The following HPSE2 variants were observed in gnomAD, a reference collection of about 807,000 sequenced individuals.
HPSE2 encodes heparanase 2 (inactive), also known as inactive heparanase-2.
In HPSE2, 38 loss-of-function variants were observed where a neutral mutation model predicts 60.5. The observed-to-expected ratio is 0.63, with a 90% CI of 0.48 to 0.82. The LOEUF is 0.82. Ranked by LOEUF, HPSE2 falls within the 40% of genes least tolerant of loss-of-function variation. The pLI is 0.00. For synonymous variants in HPSE2, 295 were observed against 293.2 expected (o/e 1.01, Z -0.06); for missense variants, 713 against 740.4 (o/e 0.96, Z 0.43).
At chr10:98,905,884 T>C (rs534127286) in intron 3 of HPSE2, among the ~76,000 whole-genome samples, 9 of 152,306 alleles carry the variant, frequency 5.9e-5, no homozygotes, top group African/African-American at 1.9e-4. Context: ...GGACAACATC[T>C]GCACAAAACA....
chr10:98,530,251 T>A (rs1943089718), intron 9 of HPSE2, among the ~76,000 whole-genome samples: 1 of 152,228 alleles, frequency 6.6e-6, no homozygotes, highest in Non-Finnish European at 1.5e-5. Context: ...TTTACTTCAG[T>A]TCACCTTCTG....
chr10:98,591,354 C>T (rs532803630), intron 9 of HPSE2, among the ~76,000 whole-genome samples: 1 of 152,184 alleles, frequency 6.6e-6, no homozygotes, highest in East Asian at 1.9e-4. Flanking sequence ...AATTGGCATC[C>T]AGAGACATGT....
intron 8 of HPSE2, among the ~76,000 whole-genome samples, chr10:98,619,239 GTCAAAAA>G (rs1438602159): frequency 1.3e-5 from 2 of 152,160 alleles, no homozygotes; most frequent in Non-Finnish European, 1.5e-5. Flanking sequence ...ACATTGCTCA[GTCAAAAA>G]TCCAAGGCCA....
intron 6 of HPSE2, among the ~76,000 whole-genome samples, chr10:98,670,910 G>A (rs2134111172): frequency 6.6e-6 from 1 of 152,314 alleles, no homozygotes; most frequent in South Asian, 2.1e-4. Context: ...TAAGGCATTA[G>A]CTTGCCAATG....
At chr10:98,880,404 A>G (rs1952990327) in intron 3 of HPSE2, among the ~76,000 whole-genome samples, 1 of 151,924 alleles carries the variant, frequency 6.6e-6, no homozygotes, top group Non-Finnish European at 1.5e-5. Context: ...ACATCACATC[A>G]TGGGTATTTT....
chr10:99,019,783 C>G (rs936118276), intron 3 of HPSE2, among the ~76,000 whole-genome samples: 2 of 151,442 alleles, frequency 1.3e-5, no homozygotes, highest in Non-Finnish European at 2.9e-5. Flanking sequence ...AATCTTGGCT[C>G]ACTGCAACCT....
intron 11 of HPSE2, among the ~76,000 whole-genome samples, chr10:98,469,961 T>C (rs970033151): frequency 6.6e-6 from 1 of 152,262 alleles, no homozygotes; most frequent in African/African-American, 2.4e-5. Flanking sequence ...GTCTGTTTTG[T>C]CTCTGAGTTA....
In HPSE2 at chr10:99,062,555, C is replaced by T. The variant is rs140384947; in HGVS notation, c.610+81683G>A. Among the ~76,000 whole-genome samples, 841 of 152,148 alleles carry T rather than the reference C, an allele frequency of 5.5e-3. 8 individuals are homozygous for T. The highest frequency in any genetic ancestry group is 8.0e-3 in the Non-Finnish European group (541 of 68,016). ...CTACTTGCCATCTCTCTGTTATCTA[C>T]TGATACAAGGCCTAAGAGACCAGTA... On this transcript the variant is annotated intron_variant, in intron 3 of 11. Transcript: ENST00000370552.
chr10:99,089,741 T>C (rs555529722), intron 3 of HPSE2, among the ~76,000 whole-genome samples: 7 of 152,296 alleles, frequency 4.6e-5, no homozygotes, highest in East Asian at 3.9e-4. Flanking sequence ...AGGAATTGCA[T>C]TGAATTTGTA....
intron 2 of HPSE2, among the ~76,000 whole-genome samples, chr10:99,186,542 CAAAAAAAAAAAAAA>C (rs60186369): frequency 8.4e-5 from 5 of 59,456 alleles, no homozygotes; most frequent in Admixed American, 2.7e-4. Context: ...GACTCCATCT[CAAAAAAAAAAAAAA>C]AAAAAAAAAA....
intron 3 of HPSE2, among the ~76,000 whole-genome samples, chr10:98,781,811 T>A (rs574654304): frequency 2.6e-5 from 4 of 151,932 alleles, no homozygotes. Context: ...AAAATTTATA[T>A]CGTTGGATCT....
At chr10:98,488,038 GT>G (rs1227026622) in intron 10 of HPSE2, among the ~76,000 whole-genome samples, 1 of 152,216 alleles carries the variant, frequency 6.6e-6, no homozygotes, top group Admixed American at 6.5e-5. Context: ...GATTATGAAA[GT>G]CTTTTCTTTC....
At chr10:99,147,061 T>G (rs1469556353) in intron 2 of HPSE2, among the ~76,000 whole-genome samples, 1 of 152,192 alleles carries the variant, frequency 6.6e-6, no homozygotes, top group Non-Finnish European at 1.5e-5. Context: ...TTTAAAATTG[T>G]AACCTGTTGT....
chr10:99,198,081 A>AT (rs202059698), intron 2 of HPSE2, among the ~76,000 whole-genome samples: 2 of 151,960 alleles, frequency 1.3e-5, no homozygotes, highest in South Asian at 4.1e-4. Context: ...AAAAAAAAAA[A>AT]GTGAATTTTT....
At chr10:98,669,465 A>G (rs1947451253) in intron 6 of HPSE2, among the ~76,000 whole-genome samples, 1 of 152,268 alleles carries the variant, frequency 6.6e-6, no homozygotes, top group South Asian at 2.1e-4. Flanking sequence ...TCACAACAGC[A>G]AAGACAGGAA....
chr10:99,112,415 G>GTGTTTTGTTTTGTTTTGTTTTGTTT (rs72389662), intron 3 of HPSE2, among the ~76,000 whole-genome samples: 2 of 135,904 alleles, frequency 1.5e-5, no homozygotes, highest in African/African-American at 2.7e-5. Context: ...TTTTTTTGTT[G>GTGTTTTGTTTTGTTTTGTTTTGTTT]TGTTTTGTTT....
At chr10:99,238,227 C>T (rs1158997529), upstream of HPSE2, among the ~76,000 whole-genome samples, 4 of 152,102 alleles carry the variant, frequency 2.6e-5, no homozygotes, top group Admixed American at 2.6e-4. Context: ...TTAATTGGGA[C>T]CAATGGAAGA....
At chr10:98,588,434 T>C (rs1292061108) in intron 9 of HPSE2, among the ~76,000 whole-genome samples, 1 of 152,122 alleles carries the variant, frequency 6.6e-6, no homozygotes, top group African/African-American at 2.4e-5. Context: ...GCAGCTACAG[T>C]GGCACAGAAA....
chr10:98,873,220 T>A (rs986511077), intron 3 of HPSE2, among the ~76,000 whole-genome samples: 1 of 152,154 alleles, frequency 6.6e-6, no homozygotes, highest in Non-Finnish European at 1.5e-5. Flanking sequence ...TTTCTTTTTT[T>A]AATTTGTATT....
Sources: gnomAD v4.1 joint callset for allele counts (sites outside exome capture counted in the v4.1 genomes callset) on GRCh38, gnomAD v4.1.1 for gene constraint, MANE v1.5 for transcripts, NCBI Gene and HGNC (gene_info 2026-07-23, HGNC 2026-07-21) for gene names.